Variants in ASIC2 observed in about 807,000 individuals in gnomAD.
The protein encoded by ASIC2 is acid-sensing ion channel 2.
ASIC2 carries 25 observed loss-of-function variants against 57.3 expected under a neutral mutation model. The ratio of observed to expected loss-of-function variants is 0.44; its 90% confidence interval spans 0.32 to 0.61. The LOEUF (loss-of-function observed/expected upper bound fraction) is 0.61. Ranked by LOEUF, ASIC2 falls within the 20% of genes least tolerant of loss-of-function variation. The pLI, the probability that ASIC2 is intolerant of heterozygous loss-of-function variation, is 0.06. For missense variants in ASIC2, 641 were observed against 738.1 expected (o/e 0.87, Z 1.52); for synonymous variants, 319 against 307.5 (o/e 1.04, Z -0.39).
chr17:33,770,742 G>A (rs1356514466), intron 1 of ASIC2, among the ~76,000 whole-genome samples: 1 of 152,172 alleles, frequency 6.6e-6, no homozygotes, highest in Non-Finnish European at 1.5e-5. Context: ...GGTTAGAATT[G>A]AAATACTTTA....
chr17:33,637,077 T>A (rs1403731289), intron 1 of ASIC2, among the ~76,000 whole-genome samples: 1 of 152,052 alleles, frequency 6.6e-6, no homozygotes, highest in Non-Finnish European at 1.5e-5. Context: ...ATTGTCCCTA[T>A]GCAAGATGAT....
chr17:33,994,986 G>A (rs2142011873), intron 1 of ASIC2, among the ~76,000 whole-genome samples: 1 of 152,238 alleles, frequency 6.6e-6, no homozygotes, highest in East Asian at 1.9e-4. Context: ...ACCCTTCCTA[G>A]CATTGGGGAC....
intron 1 of ASIC2, among the ~76,000 whole-genome samples, chr17:33,232,188 T>C (rs1908116713): frequency 6.6e-6 from 1 of 152,106 alleles, no homozygotes; most frequent in Non-Finnish European, 1.5e-5. Context: ...TTAGTTTCTT[T>C]ATAAGAGGAG....
chr17:34,139,327 C>A (rs977570727), intron 1 of ASIC2, among the ~76,000 whole-genome samples: 3 of 152,196 alleles, frequency 2.0e-5, no homozygotes, highest in Middle Eastern at 3.4e-3. Flanking sequence ...AAGGGAGGAG[C>A]AAATTAAGTG....
chr17:33,297,648 C>A (rs910712038), upstream of ASIC2, among the ~76,000 whole-genome samples: 1 of 151,866 alleles, frequency 6.6e-6, no homozygotes, highest in Non-Finnish European at 1.5e-5. Context: ...CATGGCAAAA[C>A]CCTGTCTCTA....
chr17:33,711,787 A>G (rs11868307), intron 1 of ASIC2, among the ~76,000 whole-genome samples: 21,024 of 151,508 alleles, frequency 0.14, 1,508 homozygotes, highest in Non-Finnish European at 0.14. Context: ...AAATCCAATC[A>G]CCTCCCACCA....
intron 1 of ASIC2, among the ~76,000 whole-genome samples, chr17:33,900,188 A>C (rs1010858938): frequency 6.6e-6 from 1 of 152,234 alleles, no homozygotes; most frequent in Non-Finnish European, 1.5e-5. Flanking sequence ...TGCATTCTTT[A>C]AGCATGGGAG....
chr17:34,048,616 A>T (rs527729050), intron 1 of ASIC2, among the ~76,000 whole-genome samples: 3 of 152,240 alleles, frequency 2.0e-5, no homozygotes, highest in Non-Finnish European at 4.4e-5. Flanking sequence ...CTTTACAGCT[A>T]AACGACCTTG....
At chr17:33,896,946 C>T (rs1466446847) in intron 1 of ASIC2, among the ~76,000 whole-genome samples, 2 of 152,056 alleles carry the variant, frequency 1.3e-5, no homozygotes, top group South Asian at 4.2e-4. Context: ...ACATCCTGGC[C>T]GAAAAATGAA....
rs548887524 is a variant in ASIC2 at position 33,254,625 on chromosome 17, G to T, written c.708+36783C>A. Among the ~76,000 whole-genome samples, 8 of 152,034 alleles carry T rather than the reference G, an allele frequency of 5.3e-5. 1 individual carries two copies. The highest frequency in any genetic ancestry group is 1.9e-4 in the African/African-American group (8 of 41,438). On this transcript the variant is annotated intron_variant, in intron 1 of 9. Transcript: ENST00000225823. ...GTTGACCTCTATTCATCCTTCAGAA[G>T]GTATCACCTCCTTCATGAAGTCTTC...
chr17:33,061,115 A>AATT (rs1366782048), intron 3 of ASIC2, among the ~76,000 whole-genome samples: 1 of 152,188 alleles, frequency 6.6e-6, no homozygotes, highest in Non-Finnish European at 1.5e-5. Context: ...AAACAGGGAC[A>AATT]ATTTGACTTC....
intron 1 of ASIC2, among the ~76,000 whole-genome samples, chr17:34,086,735 C>T (rs1299362018): frequency 3.3e-5 from 5 of 152,108 alleles, no homozygotes; most frequent in South Asian, 2.1e-4. Flanking sequence ...GTATTGGGTG[C>T]GTATATATTT....
At chr17:33,240,178 C>A (rs1567795487) in intron 1 of ASIC2, among the ~76,000 whole-genome samples, 1 of 152,204 alleles carries the variant, frequency 6.6e-6, no homozygotes. Flanking sequence ...CCTGCCCTGA[C>A]CTGAGTCTAC....
intron 1 of ASIC2, among the ~76,000 whole-genome samples, chr17:33,850,231 C>T (rs527365165): frequency 1.3e-5 from 2 of 152,140 alleles, no homozygotes; most frequent in Non-Finnish European, 2.9e-5. Flanking sequence ...GACAAATGAA[C>T]CTGTGCTGTA....
chr17:33,564,079 G>T (rs1449271465), intron 1 of ASIC2, among the ~76,000 whole-genome samples: 1 of 152,156 alleles, frequency 6.6e-6, no homozygotes, highest in Non-Finnish European at 1.5e-5. Flanking sequence ...GAGCACCGCG[G>T]CAGCCCCCCT....
intron 1 of ASIC2, among the ~76,000 whole-genome samples, chr17:33,710,130 C>T (rs894029224): frequency 6.6e-6 from 1 of 152,212 alleles, no homozygotes; most frequent in Non-Finnish European, 1.5e-5. Flanking sequence ...CTGATGTCTG[C>T]ACCAATGTCC....
At chr17:34,044,866 C>T (rs1908278941) in intron 1 of ASIC2, among the ~76,000 whole-genome samples, 1 of 152,192 alleles carries the variant, frequency 6.6e-6, no homozygotes, top group African/African-American at 2.4e-5. Flanking sequence ...GTTCAAATGC[C>T]TCTGGAAGAC....
intron 1 of ASIC2, among the ~76,000 whole-genome samples, chr17:33,167,669 G>T: frequency 6.6e-6 from 1 of 152,096 alleles, no homozygotes; most frequent in African/African-American, 2.4e-5. Flanking sequence ...GGCATTCAAG[G>T]TCTTAACCCA....
chr17:33,027,588 C>T (rs758924916), intron 4 of ASIC2, among the ~76,000 whole-genome samples: 2 of 152,160 alleles, frequency 1.3e-5, no homozygotes, highest in South Asian at 2.1e-4. Context: ...AGTTCATAAA[C>T]GTGAGAACAG....
Sources: allele counts gnomAD v4.1 joint callset (sites outside exome capture counted in the v4.1 genomes callset), GRCh38; gene constraint gnomAD v4.1.1; transcripts MANE v1.5; gene names NCBI Gene and HGNC (gene_info 2026-07-23, HGNC 2026-07-21).